CTNNA3: variants seen among roughly 807,000 people sequenced by gnomAD.
CTNNA3 encodes catenin alpha-3.
A neutral mutation model predicts 95.7 loss-of-function variants in CTNNA3; 76 were observed. The ratio of observed to expected loss-of-function variants is 0.79; its 90% CI spans 0.66 to 0.96. The LOEUF (loss-of-function observed/expected upper bound fraction) is 0.96, where lower values mean the gene tolerates loss of function less well. Among genes scored for constraint, CTNNA3 ranks in the 40% least tolerant of loss-of-function variants. The pLI is 0.00. For missense variants in CTNNA3, 1,191 were observed against 1,089.8 expected (o/e 1.09, Z -1.31); for synonymous variants, 431 against 374.4 (o/e 1.15, Z -1.74).
intron 7 of CTNNA3, among the ~76,000 whole-genome samples, chr10:67,091,114 A>C (rs910263722): frequency 6.6e-6 from 1 of 152,038 alleles, no homozygotes; most frequent in Non-Finnish European, 1.5e-5. Flanking sequence ...ATAAAGGTCA[A>C]GCTTCATAGG....
chr10:66,134,078 A>T (rs973416349), intron 13 of CTNNA3, among the ~76,000 whole-genome samples: 3 of 152,146 alleles, frequency 2.0e-5, no homozygotes, highest in African/African-American at 7.2e-5. Context: ...TCAAAATCAA[A>T]CTATAAATAA....
intron 11 of CTNNA3, among the ~76,000 whole-genome samples, chr10:66,387,177 A>G (rs1171312514): frequency 6.6e-6 from 1 of 152,194 alleles, no homozygotes. Flanking sequence ...GAATGGGAGA[A>G]AATTTTTGCA....
chr10:66,574,622 G>GTT (rs530319860), intron 10 of CTNNA3, among the ~76,000 whole-genome samples: 1 of 151,084 alleles, frequency 6.6e-6, no homozygotes, highest in Admixed American at 6.6e-5. Flanking sequence ...AACAAAGGTT[G>GTT]TTTTTTTTTC....
At chr10:67,718,352 T>C (rs1227734922) in intron 1 of CTNNA3, among the ~76,000 whole-genome samples, 1 of 152,074 alleles carries the variant, frequency 6.6e-6, no homozygotes, top group African/African-American at 2.4e-5. Context: ...CAATACTATG[T>C]TGAGTAGTGG....
intron 5 of CTNNA3, among the ~76,000 whole-genome samples, chr10:67,503,510 C>A (rs116928395): frequency 1.4e-4 from 21 of 152,030 alleles, no homozygotes; most frequent in Admixed American, 4.6e-4. Context: ...AATAAATAAG[C>A]CTTAATGCCA....
intron 7 of CTNNA3, among the ~76,000 whole-genome samples, chr10:67,089,139 G>A (rs1317354069): frequency 1.3e-5 from 2 of 151,764 alleles, no homozygotes; most frequent in African/African-American, 2.4e-5. Flanking sequence ...TTTTGCTATC[G>A]GGAGTCCTAG....
At chr10:67,061,939 C>T (rs1158837919) in intron 7 of CTNNA3, among the ~76,000 whole-genome samples, 1 of 125,626 alleles carries the variant, frequency 8.0e-6, no homozygotes, top group Non-Finnish European at 1.7e-5. Flanking sequence ...TATAAGAAAG[C>T]TTATTTACTG....
At chr10:66,706,901 A>G (rs1362097409) in intron 9 of CTNNA3, among the ~76,000 whole-genome samples, 2 of 152,048 alleles carry the variant, frequency 1.3e-5, no homozygotes, top group African/African-American at 4.8e-5. Flanking sequence ...AATTTGTAGG[A>G]AGGAGAACCA....
At chr10:67,543,760 C>CAGACTG (rs536571037) in intron 3 of CTNNA3, among the ~76,000 whole-genome samples, 189 of 152,230 alleles carry the variant, frequency 1.2e-3, no homozygotes, top group African/African-American at 4.3e-3. Context: ...ATAGGGTTCA[C>CAGACTG]AGACTGAGAC....
At chr10:66,659,008 T>C (rs1846163565) in intron 9 of CTNNA3, among the ~76,000 whole-genome samples, 1 of 152,224 alleles carries the variant, frequency 6.6e-6, no homozygotes, top group South Asian at 2.1e-4. Context: ...TTCTCAGTCA[T>C]ATTCATTCAT....
chr10:66,458,397 T>C (rs1444993368), intron 11 of CTNNA3, among the ~76,000 whole-genome samples: 1 of 152,224 alleles, frequency 6.6e-6, no homozygotes, highest in Admixed American at 6.5e-5. Context: ...GTTAAACTTA[T>C]ATTTTCTTTT....
intron 17 of CTNNA3, among the ~76,000 whole-genome samples, chr10:65,944,401 C>T (rs570565568): frequency 1.3e-5 from 2 of 152,294 alleles, no homozygotes; most frequent in South Asian, 4.1e-4. Flanking sequence ...TGGGGCTATT[C>T]GAAAATGCTA....
chr10:66,021,852 C>CTTTTTTTTTT (rs34671813), intron 15 of CTNNA3, among the ~76,000 whole-genome samples: 3,613 of 75,642 alleles, frequency 0.048, 842 homozygotes, highest in African/African-American at 0.12. Context: ...AGGATCTTGG[C>CTTTTTTTTTT]TTTTTTTTTT....
At chr10:66,983,318 G>A (rs1485994106) in intron 7 of CTNNA3, among the ~76,000 whole-genome samples, 1 of 152,050 alleles carries the variant, frequency 6.6e-6, no homozygotes, top group Admixed American at 6.5e-5. Context: ...TAAGACCCTG[G>A]TGCATTATGC....
intron 5 of CTNNA3, among the ~76,000 whole-genome samples, chr10:67,455,772 C>G (rs1391333659): frequency 3.9e-5 from 6 of 152,038 alleles, no homozygotes; most frequent in Admixed American, 2.6e-4. Flanking sequence ...TGAAAAACTT[C>G]CTTGTTTTTC....
chr10:66,120,012 A>C (rs1331703467), intron 13 of CTNNA3, among the ~76,000 whole-genome samples: 1 of 152,216 alleles, frequency 6.6e-6, no homozygotes, highest in East Asian at 1.9e-4. Flanking sequence ...TTCAACTCTG[A>C]ATATACACTA....
intron 7 of CTNNA3, chr10:66,926,225 A>C (rs938631009): frequency 6.7e-6 from 3 of 450,100 alleles, no homozygotes; most frequent in Non-Finnish European, 1.3e-5. Context: ...GGAAGAATAC[A>C]TCATGTTTTT....
In CTNNA3 at chr10:66,366,951, T is replaced by C. The variant is rs186160484; in HGVS notation, c.1732+12201A>G. On this transcript the variant is annotated intron_variant, in intron 12 of 17. Coordinates refer to ENST00000433211, the MANE Select transcript of CTNNA3 (RefSeq NM_013266.4). ...ACAGTTACAGACGGTGTTGGATAAT[T>C]GAAAGGGTTTGCAAAATTCTATGGA... Among the ~76,000 whole-genome samples the C allele has an allele frequency of 6.6e-5, 10 of 152,200 alleles. No homozygotes were observed. The East Asian group carries it at 1.9e-3, about 29-fold the overall frequency.
Position 67,663,568 on chromosome 10 carries a change from C to T in CTNNA3, c.-5-16050G>A, listed in dbSNP as rs567572499. Among the ~76,000 whole-genome samples the T allele has an allele frequency of 4.0e-4, 61 of 152,054 alleles. 1 individual carries two copies. Among genetic ancestry groups the T allele is most frequent in the African/African-American group, 1.3e-3 (55 of 41,474 alleles). On this transcript the variant is annotated intron_variant, in intron 1 of 17. Transcript: ENST00000433211. Reference sequence around the variant, plus strand: ...CTGGGGCAGCCGCAGGAGGGGCAGGCTGGGAGGGGCTGCCGCAGCTGTTGA... The same window carrying T: ...CTGGGGCAGCCGCAGGAGGGGCAGGTTGGGAGGGGCTGCCGCAGCTGTTGA...
Sources: gnomAD v4.1 joint callset for allele counts (sites outside exome capture counted in the v4.1 genomes callset) on GRCh38, gnomAD v4.1.1 for gene constraint, MANE v1.5 for transcripts, NCBI Gene and HGNC (gene_info 2026-07-23, HGNC 2026-07-21) for gene names.